Variants in AKAP6 observed in about 807,000 individuals in gnomAD.
The protein encoded by AKAP6 is A-kinase anchor protein 6.
In AKAP6, 58 loss-of-function variants were observed where a neutral mutation model predicts 188.5. The ratio of observed to expected loss-of-function variants is 0.31; its 90% CI spans 0.25 to 0.38. The LOEUF is 0.38. Among genes scored for constraint, AKAP6 ranks in the 10% least tolerant of loss-of-function variants. The pLI, the probability that AKAP6 is intolerant of heterozygous loss-of-function variation, is 1.00. For synonymous variants in AKAP6, 989 were observed against 998.6 expected, an observed-to-expected ratio of 0.99 and a Z score of 0.18; for missense variants, 2,710 against 2,740.0, an observed-to-expected ratio of 0.99 and a Z score of 0.24.
At chr14:32,557,815 GCTTTTCTTTA>G (rs999378504) in intron 4 of AKAP6, among the ~76,000 whole-genome samples, 8 of 151,870 alleles carry the variant, frequency 5.3e-5, no homozygotes, top group African/African-American at 1.9e-4. Flanking sequence ...CTTTCCCATT[GCTTTTCTTTA>G]CTTTTCTTCT....
intron 1 of AKAP6, among the ~76,000 whole-genome samples, chr14:32,332,947 C>T (rs1025909373): frequency 3.9e-5 from 6 of 152,132 alleles, no homozygotes; most frequent in East Asian, 1.9e-4. Flanking sequence ...CAGCTATCCA[C>T]GCCCAGCGTC....
At chr14:32,547,590 G>A (rs1402989010) in intron 4 of AKAP6, among the ~76,000 whole-genome samples, 1 of 152,032 alleles carries the variant, frequency 6.6e-6, no homozygotes, top group East Asian at 1.9e-4. Flanking sequence ...GGCTAAATCT[G>A]TACTTTTGAA....
intron 2 of AKAP6, among the ~76,000 whole-genome samples, chr14:32,467,370 C>A (rs1314139636): frequency 6.6e-6 from 1 of 152,052 alleles, no homozygotes; most frequent in South Asian, 2.1e-4. Flanking sequence ...CAGTTAATAC[C>A]TGTTATTGCT....
chr14:32,397,664 G>A (rs555187539), intron 1 of AKAP6, among the ~76,000 whole-genome samples: 26 of 152,144 alleles, frequency 1.7e-4, no homozygotes, highest in South Asian at 4.1e-4. Flanking sequence ...ACTCAGTAAT[G>A]CAGAATTAAC....
At chr14:32,807,098 A>G (rs1032455752) in intron 12 of AKAP6, among the ~76,000 whole-genome samples, 3 of 151,374 alleles carry the variant, frequency 2.0e-5, no homozygotes, top group Non-Finnish European at 2.9e-5. Flanking sequence ...AAAATCCCAC[A>G]TCTTTGGAAG....
Position 32,823,570 on chromosome 14 carries a change from T to A in AKAP6, c.5757T>A (p.Asn1919Lys), listed in dbSNP as rs905089463. Residue 1919 changes from asparagine to lysine, a missense_variant, in exon 13 of 14, where the codon AAT (asparagine) becomes AAA (lysine). This residue lies in a region of AKAP6 where 2,473 missense variants were observed against 2,426.1 expected (regional missense o/e 1.02). Coordinates refer to ENST00000280979, the MANE Select transcript of AKAP6 (RefSeq NM_004274.5). ...KPNVTSKVSE[N>K]LGSHGKEISE... ...ATGTGACTTCAAAGGTATCAGAAAATCTTGGTTCACATGGGAAAGAGATTT... is the reference window on the plus strand; with the variant it reads ...ATGTGACTTCAAAGGTATCAGAAAAACTTGGTTCACATGGGAAAGAGATTT... The A allele has an allele frequency of 4.3e-6, 7 of 1,613,636 alleles. No homozygotes were observed. Among genetic ancestry groups the A allele is most frequent in the Non-Finnish European group, 5.9e-6 (7 of 1,179,888 alleles).
intron 7 of AKAP6, among the ~76,000 whole-genome samples, chr14:32,654,209 A>C (rs1184579453): frequency 2.0e-5 from 3 of 152,102 alleles, no homozygotes; most frequent in Non-Finnish European, 4.4e-5. Flanking sequence ...TGTTGTTTGC[A>C]ACTGGCTGGG....
chr14:32,557,371 A>G (rs142316892), intron 4 of AKAP6, among the ~76,000 whole-genome samples: 1,614 of 152,278 alleles, frequency 0.011, 27 homozygotes, highest in African/African-American at 0.034. Context: ...TGCTGGGATT[A>G]TGGACAGGAG....
chr14:32,692,705 C>T (rs989872655), intron 8 of AKAP6, among the ~76,000 whole-genome samples: 2 of 152,104 alleles, frequency 1.3e-5, no homozygotes, highest in Admixed American at 1.3e-4. Context: ...CATCATTCAC[C>T]AGGGACTATG....
intron 2 of AKAP6, among the ~76,000 whole-genome samples, chr14:32,482,387 C>T (rs1358389976): frequency 6.6e-6 from 1 of 152,170 alleles, no homozygotes; most frequent in Admixed American, 6.5e-5. Context: ...TGCACTTGCT[C>T]TTCTGACTTC....
At chr14:32,815,689 G>A (rs1376108167) in intron 12 of AKAP6, among the ~76,000 whole-genome samples, 2 of 152,124 alleles carry the variant, frequency 1.3e-5, no homozygotes, top group South Asian at 2.1e-4. Flanking sequence ...CACTGTTAAC[G>A]GTTATTTAGG....
In AKAP6 at chr14:32,732,554, T is replaced by A; in HGVS notation, c.3101T>A (p.Leu1034His). ...KKGGVLLPND[L>H]LEKVDSINEK... is the part of the protein sequence containing the mutation. ...GGTGGCGTTTTACTACCAAATGATC[T>A]CCTTGAAAAAGTGGATTCAATTAAT... is the stretch of plus-strand genomic sequence containing the variant. The change falls in exon 10 of 14, where the codon CTC (leucine) becomes CAC (histidine). Residue 1034 changes from leucine (L) to histidine (H), a missense_variant. Physicochemically the swap from Leu to His is moderately conservative, Grantham distance 99. Coordinates refer to ENST00000280979, the MANE Select transcript of AKAP6 (RefSeq NM_004274.5). 1 of 1,613,566 alleles carries A rather than the reference T, an allele frequency of 6.2e-7. No homozygotes were observed. The highest frequency in any genetic ancestry group is 8.5e-7 in the Non-Finnish European group (1 of 1,179,686).
chr14:32,711,894 A>AG (rs1238668873), intron 9 of AKAP6, among the ~76,000 whole-genome samples: 1 of 152,058 alleles, frequency 6.6e-6, no homozygotes, highest in South Asian at 2.1e-4. Flanking sequence ...CTGTAAAGTG[A>AG]GGGGGGTGGA....
chr14:32,504,735 C>A (rs1277480347), intron 2 of AKAP6, among the ~76,000 whole-genome samples: 1 of 152,132 alleles, frequency 6.6e-6, no homozygotes, highest in Non-Finnish European at 1.5e-5. Flanking sequence ...CTCCTCTGGT[C>A]CCATTACCTT....
At chr14:32,412,568 G>T (rs763833817) in intron 1 of AKAP6, among the ~76,000 whole-genome samples, 4 of 152,170 alleles carry the variant, frequency 2.6e-5, no homozygotes, top group Non-Finnish European at 4.4e-5. Flanking sequence ...CAGGCATTAT[G>T]CATTCTATGA....
chr14:32,639,040 T>C (rs546679537), intron 7 of AKAP6, among the ~76,000 whole-genome samples: 1 of 152,184 alleles, frequency 6.6e-6, no homozygotes, highest in Admixed American at 6.6e-5. Context: ...TTCATATATA[T>C]ATAGGATTTA....
intron 5 of AKAP6, among the ~76,000 whole-genome samples, chr14:32,586,481 G>T (rs1260861871): frequency 6.6e-6 from 1 of 152,076 alleles, no homozygotes; most frequent in East Asian, 1.9e-4. Context: ...ACAAAAATTA[G>T]CTGGGTGTGG....
intron 12 of AKAP6, among the ~76,000 whole-genome samples, chr14:32,803,470 A>C (rs963328784): frequency 1.3e-5 from 2 of 152,202 alleles, no homozygotes; most frequent in Non-Finnish European, 2.9e-5. Context: ...ACAGAATTGT[A>C]AAATGCATCG....
In AKAP6 at chr14:32,816,700, C is replaced by G. The variant is rs557279918; in HGVS notation, c.3589-4702C>G. The stretch of plus-strand genomic sequence containing the variant: ...TATTTTCTCCCACCTCTCCATCACC[C>G]CCTCAAACCTGTGTGTTCTGCTTTT... On this transcript the variant is annotated intron_variant, in intron 12 of 13. Coordinates refer to ENST00000280979, the MANE Select transcript of AKAP6 (RefSeq NM_004274.5). 2.8e-4 allele frequency among the ~76,000 whole-genome samples: 42 copies of G among 152,254 alleles called. 2 individuals are homozygous for G. The South Asian group carries it at 8.7e-3, about 32-fold the overall frequency.
Sources: gnomAD v4.1 joint callset for allele counts (sites outside exome capture counted in the v4.1 genomes callset) on GRCh38, gnomAD v4.1.1 for gene constraint, gnomAD v4.1.1 regional missense constraint, MANE v1.5 for transcripts, NCBI Gene and HGNC (gene_info 2026-07-23, HGNC 2026-07-21) for gene names.